Variants in CSGALNACT1 observed in about 807,000 individuals in gnomAD.
The protein encoded by CSGALNACT1 is chondroitin sulfate N-acetylgalactosaminyltransferase 1.
Under a neutral mutation model 51.0 loss-of-function variants are expected in CSGALNACT1, and 52 were observed. The ratio of observed to expected loss-of-function variants is 1.02; its 90% CI spans 0.82 to 1.29. The LOEUF (loss-of-function observed/expected upper bound fraction) is 1.29, where lower values mean the gene tolerates loss of function less well. Ranked by LOEUF, CSGALNACT1 falls within the 50% of genes most tolerant of loss-of-function variation. The probability of loss-of-function intolerance (pLI) is 0.00; values close to 1 mark genes in which losing one functional copy is unlikely to be tolerated. For missense variants in CSGALNACT1, 935 were observed against 679.2 expected, an observed-to-expected ratio of 1.38 and a Z score of -4.19; for synonymous variants, 341 against 254.4, an observed-to-expected ratio of 1.34 and a Z score of -3.24.
At chr8:19,486,793 T>C (rs1445862757) in intron 4 of CSGALNACT1, among the ~76,000 whole-genome samples, 1 of 152,180 alleles carries the variant, frequency 6.6e-6, no homozygotes, top group Non-Finnish European at 1.5e-5. Context: ...TTACTTAGGT[T>C]CATGTTTATC....
chr8:19,435,359 G>C (rs1490251383), intron 6 of CSGALNACT1, among the ~76,000 whole-genome samples: 1 of 152,062 alleles, frequency 6.6e-6, no homozygotes, highest in African/African-American at 2.4e-5. Context: ...TGGGTGTGGT[G>C]GCGTGCGCCT....
At chr8:19,603,143 G>T (rs892773871), upstream of CSGALNACT1, among the ~76,000 whole-genome samples, 2 of 141,554 alleles carry the variant, frequency 1.4e-5, no homozygotes, top group African/African-American at 2.7e-5. Flanking sequence ...TAGAAAGAAA[G>T]AAAGAAAAGA....
chr8:19,644,626 C>T (rs561539166), intron 1 of CSGALNACT1, among the ~76,000 whole-genome samples: 1 of 141,554 alleles, frequency 7.1e-6, no homozygotes, highest in East Asian at 2.2e-4. Context: ...AGGAGAATTG[C>T]TTGAACCCGG....
intron 3 of CSGALNACT1, among the ~76,000 whole-genome samples, chr8:19,555,005 C>T (rs1473636622): frequency 2.7e-5 from 4 of 150,374 alleles, no homozygotes; most frequent in Non-Finnish European, 5.9e-5. Flanking sequence ...TTAGGGACGC[C>T]GAGCGGGGGT....
intron 1 of CSGALNACT1, among the ~76,000 whole-genome samples, chr8:19,729,753 C>CAATATGGATTA (rs1182092440): frequency 4.3e-4 from 65 of 152,242 alleles, no homozygotes; most frequent in Non-Finnish European, 7.5e-4. Flanking sequence ...CTCATTTATC[C>CAATATGGATTA]TCTGCTTTGA....
chr8:19,526,946 A>C lies in CSGALNACT1; in HGVS notation c.-296-20816T>G, dbSNP rs146009848. On this transcript the variant is annotated intron_variant, in intron 3 of 9. Transcript: ENST00000454498. Reference sequence around the variant, plus strand: ...CAAACATTTACTCAGTACCTACGTTAAATGCTATGTTAAAGTCTCATTCAG... The same window carrying C: ...CAAACATTTACTCAGTACCTACGTTCAATGCTATGTTAAAGTCTCATTCAG... Among the ~76,000 whole-genome samples, 548 of 152,370 alleles carry C rather than the reference A, an allele frequency of 3.6e-3. 3 individuals carry two copies. The highest frequency in any genetic ancestry group is 0.013 in the African/African-American group (526 of 41,590).
chr8:19,726,395 G>A (rs1460171722), intron 1 of CSGALNACT1, among the ~76,000 whole-genome samples: 1 of 152,020 alleles, frequency 6.6e-6, no homozygotes, highest in Non-Finnish European at 1.5e-5. Context: ...GTTGTGAAAT[G>A]AAAAAATATT....
chr8:19,521,773 C>A (rs745699497), intron 3 of CSGALNACT1, among the ~76,000 whole-genome samples: 1 of 152,194 alleles, frequency 6.6e-6, no homozygotes, highest in Non-Finnish European at 1.5e-5. Context: ...AGGAGAAAGA[C>A]AAGTTTGGTT....
intron 3 of CSGALNACT1, among the ~76,000 whole-genome samples, chr8:19,528,963 T>C (rs1232626582): frequency 2.0e-5 from 3 of 152,186 alleles, no homozygotes; most frequent in African/African-American, 7.2e-5. Flanking sequence ...TGAGTAATGG[T>C]TGTTAATGTT....
intron 3 of CSGALNACT1, chr8:19,531,807 T>C (rs1317630716): frequency 1.3e-5 from 2 of 152,262 alleles, no homozygotes; most frequent in Non-Finnish European, 2.9e-5. Context: ...TAGCCTGTTC[T>C]GCTCTACTCA....
In CSGALNACT1 at chr8:19,530,087, T is replaced by A. The variant is rs569319237; in HGVS notation, c.-296-23957A>T. On this transcript the variant is annotated intron_variant, in intron 3 of 9. Transcript: ENST00000454498. Reference sequence around the variant, plus strand: ...ATACAAAATAATTAGCCAGGCATAGTGGTGCGTGCCTGTAATCCCAGCTAC... The same window carrying A: ...ATACAAAATAATTAGCCAGGCATAGAGGTGCGTGCCTGTAATCCCAGCTAC... Among the ~76,000 whole-genome samples the A allele has an allele frequency of 2.0e-5, 3 of 152,060 alleles. No individual in the cohort carries two copies. In the East Asian group the frequency reaches 5.8e-4, roughly 29 times the overall value.
At chr8:19,543,893 T>C (rs967594705) in intron 3 of CSGALNACT1, among the ~76,000 whole-genome samples, 4 of 152,220 alleles carry the variant, frequency 2.6e-5, no homozygotes, top group African/African-American at 9.6e-5. Context: ...TACGACCTTT[T>C]ACCAGTCGAT....
At chr8:19,666,873 G>T (rs1221565536) in intron 1 of CSGALNACT1, among the ~76,000 whole-genome samples, 5 of 130,812 alleles carry the variant, frequency 3.8e-5, no homozygotes, top group Admixed American at 7.7e-5. Context: ...AAGAAAGAAA[G>T]AAAGAAAGAA....
intron 3 of CSGALNACT1, among the ~76,000 whole-genome samples, chr8:19,581,265 A>T (rs1320415894): frequency 6.6e-6 from 1 of 152,230 alleles, no homozygotes; most frequent in Non-Finnish European, 1.5e-5. Flanking sequence ...GCAATAGGAG[A>T]GCAGGTAATA....
chr8:19,423,921 C>A (rs1290669471), intron 6 of CSGALNACT1, among the ~76,000 whole-genome samples: 2 of 152,304 alleles, frequency 1.3e-5, no homozygotes, highest in South Asian at 4.1e-4. Context: ...CCAGCTCTGT[C>A]CACGCACTGT....
intron 3 of CSGALNACT1, among the ~76,000 whole-genome samples, chr8:19,590,046 T>C (rs926855865): frequency 1.3e-5 from 2 of 152,162 alleles, no homozygotes; most frequent in East Asian, 3.9e-4. Context: ...AAAGAAAGAA[T>C]TGTCACATCC....
At chr8:19,646,588 G>A (rs971372919) in intron 1 of CSGALNACT1, among the ~76,000 whole-genome samples, 4 of 152,142 alleles carry the variant, frequency 2.6e-5, no homozygotes, top group African/African-American at 7.2e-5. Flanking sequence ...TTAGCTGACA[G>A]AATACCATAG....
intron 3 of CSGALNACT1, among the ~76,000 whole-genome samples, chr8:19,511,902 T>C (rs1242368017): frequency 1.3e-5 from 2 of 152,082 alleles, no homozygotes; most frequent in Non-Finnish European, 2.9e-5. Flanking sequence ...AAGGGGGAAG[T>C]GTTACACACT....
chr8:19,451,704 C>T (rs1223561441), intron 5 of CSGALNACT1, among the ~76,000 whole-genome samples: 4 of 152,176 alleles, frequency 2.6e-5, no homozygotes, highest in Non-Finnish European at 5.9e-5. Flanking sequence ...CCAGGCTCCA[C>T]ATCTCTTCCT....
Sources: allele counts gnomAD v4.1 joint callset (sites outside exome capture counted in the v4.1 genomes callset), GRCh38; gene constraint gnomAD v4.1.1; transcripts MANE v1.5; gene names NCBI Gene and HGNC (gene_info 2026-07-23, HGNC 2026-07-21).